Variants in NKAIN2 observed in about 807,000 individuals in gnomAD.
NKAIN2 encodes sodium/potassium transporting ATPase interacting 2.
A neutral mutation model predicts 32.6 loss-of-function variants in NKAIN2; 14 were observed. The ratio of observed to expected loss-of-function variants is 0.43; its 90% CI spans 0.28 to 0.67. The LOEUF (loss-of-function observed/expected upper bound fraction) is 0.67, where lower values mean the gene tolerates loss of function less well. NKAIN2 is among the 30% of genes least tolerant of loss of function. NKAIN2 has a pLI of 0.17. For synonymous variants in NKAIN2, 80 were observed against 87.2 expected (o/e 0.92, Z 0.46); for missense variants, 198 against 258.3 (o/e 0.77, Z 1.60).
intron 3 of NKAIN2, among the ~76,000 whole-genome samples, chr6:124,390,511 G>T (rs1279509727): frequency 6.6e-6 from 1 of 152,048 alleles, no homozygotes; most frequent in Admixed American, 6.6e-5. Flanking sequence ...AATACCATCT[G>T]CAGATGAAGA....
At chr6:123,854,897 C>G (rs968508508) in intron 1 of NKAIN2, among the ~76,000 whole-genome samples, 2 of 152,134 alleles carry the variant, frequency 1.3e-5, no homozygotes, top group Admixed American at 1.3e-4. Flanking sequence ...TGCGTCTTTC[C>G]TTGGCTGAGA....
rs377004438 is a variant in NKAIN2, at chr6:124,590,124, A to G, written c.274-68062A>G. On this transcript the variant is annotated intron_variant, in intron 3 of 6. Transcript: ENST00000368417. ...TGCTGGCTGTGAGTTGTGGAAACCCAAAGAGCAAGCTAGTCACTAATTATG... is the reference window on the plus strand; with the variant it reads ...TGCTGGCTGTGAGTTGTGGAAACCCGAAGAGCAAGCTAGTCACTAATTATG... Among the ~76,000 whole-genome samples the G allele has an allele frequency of 3.0e-4, 46 of 152,288 alleles. No individual in the cohort carries two copies. In the East Asian group the frequency reaches 6.2e-3, roughly 20 times the overall value.
intron 1 of NKAIN2, among the ~76,000 whole-genome samples, chr6:123,908,772 G>T (rs900831551): frequency 6.6e-6 from 1 of 151,944 alleles, no homozygotes; most frequent in Admixed American, 6.6e-5. Context: ...TTTACTTTTT[G>T]GAAAAAATAA....
chr6:124,757,693 T>C (rs910986919), intron 4 of NKAIN2, among the ~76,000 whole-genome samples: 2 of 152,138 alleles, frequency 1.3e-5, no homozygotes, highest in Admixed American at 6.6e-5. Context: ...ATTGTCCCAG[T>C]GGGGTGGAGC....
intron 3 of NKAIN2, among the ~76,000 whole-genome samples, chr6:124,434,491 G>A (rs1775353752): frequency 6.6e-6 from 1 of 151,984 alleles, no homozygotes; most frequent in South Asian, 2.1e-4. Context: ...GTAATCTTTT[G>A]TAATCTTTGG....
chr6:123,982,495 A>G (rs1266471867), intron 1 of NKAIN2, among the ~76,000 whole-genome samples: 1 of 152,126 alleles, frequency 6.6e-6, no homozygotes, highest in East Asian at 1.9e-4. Flanking sequence ...TGACAAGGAT[A>G]CCCATTTCAT....
At chr6:124,049,586 A>G (rs566502613) in intron 1 of NKAIN2, among the ~76,000 whole-genome samples, 1 of 152,246 alleles carries the variant, frequency 6.6e-6, no homozygotes, top group South Asian at 2.1e-4. Context: ...AGTCAACCAC[A>G]GTCTGTAAAT....
chr6:124,486,208 T>C (rs578031367), intron 3 of NKAIN2, among the ~76,000 whole-genome samples: 13 of 152,318 alleles, frequency 8.5e-5, no homozygotes, highest in African/African-American at 2.4e-4. Context: ...TCTTGTTGGC[T>C]GAAAGAAACG....
chr6:123,904,485 TA>T (rs1279163045), intron 1 of NKAIN2, among the ~76,000 whole-genome samples: 4 of 152,216 alleles, frequency 2.6e-5, no homozygotes, highest in African/African-American at 9.6e-5. Flanking sequence ...TAGATTTACC[TA>T]ATGGTTGTTT....
chr6:124,581,455 A>G (rs1476906600), intron 3 of NKAIN2, among the ~76,000 whole-genome samples: 1 of 150,504 alleles, frequency 6.6e-6, no homozygotes, highest in African/African-American at 2.4e-5. Flanking sequence ...CAAAAAAAAA[A>G]AAAAAAAAAA....
At chr6:123,912,020 T>C (rs944294641) in intron 1 of NKAIN2, among the ~76,000 whole-genome samples, 8 of 151,582 alleles carry the variant, frequency 5.3e-5, no homozygotes, top group Non-Finnish European at 8.8e-5. Flanking sequence ...TATCTTTACC[T>C]CTCAGATGGT....
At chr6:123,948,298 C>T (rs963453140) in intron 1 of NKAIN2, among the ~76,000 whole-genome samples, 12 of 151,978 alleles carry the variant, frequency 7.9e-5, no homozygotes, top group African/African-American at 2.9e-4. Flanking sequence ...AGTGGGATAG[C>T]TGAATCATAT....
intron 1 of NKAIN2, among the ~76,000 whole-genome samples, chr6:124,154,110 G>A (rs1283235903): frequency 6.6e-6 from 1 of 151,332 alleles, no homozygotes; most frequent in Non-Finnish European, 1.5e-5. Flanking sequence ...GTATTGACAC[G>A]GTGAATTATA....
intron 3 of NKAIN2, among the ~76,000 whole-genome samples, chr6:124,476,756 G>T (rs643630): frequency 0.77 from 117,281 of 151,986 alleles, 45,347 homozygotes; most frequent in African/African-American, 0.79. Flanking sequence ...ACCCAATCTT[G>T]ATAACAATGA....
intron 1 of NKAIN2, among the ~76,000 whole-genome samples, chr6:124,242,263 C>A (rs1363470216): frequency 6.6e-6 from 1 of 152,132 alleles, no homozygotes; most frequent in Non-Finnish European, 1.5e-5. Flanking sequence ...CAAAAGAAGA[C>A]ATTTATACGG....
chr6:124,640,757 A>T (rs1783955707), intron 3 of NKAIN2, among the ~76,000 whole-genome samples: 1 of 152,142 alleles, frequency 6.6e-6, no homozygotes, highest in Admixed American at 6.5e-5. Context: ...AATAAAATTG[A>T]GATTTTGAGC....
intron 1 of NKAIN2, among the ~76,000 whole-genome samples, chr6:124,111,405 T>C (rs1040606037): frequency 2.0e-5 from 3 of 152,104 alleles, no homozygotes; most frequent in Non-Finnish European, 4.4e-5. Context: ...CATATATATG[T>C]TTATCATGGC....
intron 2 of NKAIN2, among the ~76,000 whole-genome samples, chr6:124,286,673 T>TGTGC (rs1177278233): frequency 7.8e-4 from 79 of 101,932 alleles, no homozygotes; most frequent in East Asian, 1.4e-3. Context: ...TGTGTGTGTG[T>TGTGC]GCGCGCGCGT....
At chr6:124,695,995 G>A (rs1310911421) in intron 4 of NKAIN2, among the ~76,000 whole-genome samples, 1 of 152,188 alleles carries the variant, frequency 6.6e-6, no homozygotes, top group Non-Finnish European at 1.5e-5. Context: ...CAGCCTTGTA[G>A]ACATGTGATT....
Sources: gnomAD v4.1 joint callset for allele counts (sites outside exome capture counted in the v4.1 genomes callset) on GRCh38, gnomAD v4.1.1 for gene constraint, MANE v1.5 for transcripts, NCBI Gene and HGNC (gene_info 2026-07-23, HGNC 2026-07-21) for gene names.